Variants in FGFBP2 observed in about 807,000 individuals in gnomAD.
FGFBP2 encodes fibroblast growth factor binding protein 2, also known as fibroblast growth factor-binding protein 2.
Under a neutral mutation model 7.3 loss-of-function variants are expected in FGFBP2, and 7 were observed. The ratio of observed to expected loss-of-function variants is 0.96; its 90% confidence interval spans 0.55 to 1.81. FGFBP2 has a LOEUF of 1.81. Among genes scored for constraint, FGFBP2 ranks in the 40% most tolerant of loss-of-function variants. FGFBP2 has a pLI of 0.00. For synonymous variants in FGFBP2, 131 were observed against 110.2 expected (o/e 1.19, Z -1.18); for missense variants, 291 against 280.1 (o/e 1.04, Z -0.28).
intron 1 of FGFBP2, 147 bp downstream of exon 1, chr4:15,962,291 C>A (rs546332009): frequency 1.9e-4 from 123 of 631,186 alleles, no homozygotes; most frequent in Non-Finnish European, 3.0e-4. Flanking sequence ...TGCTCTGCAA[C>A]AGACAGCCTC....
chr4:15,962,174 C>T (rs746556160), intron 1 of FGFBP2, among the ~76,000 whole-genome samples: 29 of 152,134 alleles, frequency 1.9e-4, no homozygotes, highest in Non-Finnish European at 3.7e-4. Context: ...ATAGATGGAA[C>T]GGTCTGGCGA....
At chr4:15,961,390 G>A (rs1017147654) in intron 1 of FGFBP2, among the ~76,000 whole-genome samples, 7 of 151,826 alleles carry the variant, frequency 4.6e-5, no homozygotes, top group African/African-American at 1.7e-4. Context: ...TTTCTCCTCT[G>A]GGACAGATCT....
In FGFBP2 at chr4:15,960,390, T is replaced by G. The variant is rs996978950; in HGVS notation, c.*242A>C. The G allele has an allele frequency of 3.9e-5, 6 of 152,190 alleles. No individual in the cohort carries two copies. The highest frequency in any genetic ancestry group is 4.8e-5 in the African/African-American group (2 of 41,440). The allele number at this position is 152,190 out of a possible 1,614,324, so 9.4% of individuals were successfully genotyped here. A position where few individuals can be genotyped will look rare whatever the true frequency, so the allele number is the denominator to read the frequency against. Reference sequence around the variant, plus strand: ...TCTACAGATAATAAGTAGTTGTGTATGCTTGTCACTCTTGGGCCCATCAGC... The same window carrying G: ...TCTACAGATAATAAGTAGTTGTGTAGGCTTGTCACTCTTGGGCCCATCAGC... On this transcript the variant is annotated 3_prime_UTR_variant, in exon 2 of 2. Transcript: ENST00000259989.
At chr4:15,962,322 G>T in intron 1 of FGFBP2, 116 bp downstream of exon 1, 1 of 923,672 alleles carries the variant, frequency 1.1e-6, no homozygotes, top group South Asian at 2.5e-5. Flanking sequence ...CCAAACACAC[G>T]CTGAGACTCT....
In FGFBP2 at chr4:15,960,614, A is replaced by T. The variant is rs1713062684; in HGVS notation, c.*21-3T>A. On this transcript the variant is annotated splice_polypyrimidine_tract_variant and splice_region_variant and intron_variant, in intron 1 of 1. Coordinates refer to ENST00000259989, the MANE Select transcript of FGFBP2 (RefSeq NM_031950.4). ...TGTCTGTCAGGGAGAGGTCAGATCTAAAAAAAAAAAAAAAGAAAAAAAAAG... is the reference window on the plus strand; with the variant it reads ...TGTCTGTCAGGGAGAGGTCAGATCTTAAAAAAAAAAAAAAGAAAAAAAAAG... 7.3e-6 allele frequency: 1 copy of T among 136,752 alleles called. No homozygotes were observed. The highest frequency in any genetic ancestry group is 7.2e-5 in the Admixed American group (1 of 13,868). 8.5% of individuals were successfully genotyped at this position (136,752 alleles called of 1,614,324 possible). A position where few individuals can be genotyped will look rare whatever the true frequency, so the allele number is the denominator to read the frequency against.
Position 15,962,966 on chromosome 4 carries a change from C to A in FGFBP2, c.164G>T (p.Gly55Val), listed in dbSNP as rs1449587788. 1 of 1,612,862 alleles carries A rather than the reference C, an allele frequency of 6.2e-7. No homozygotes were observed. The highest frequency in any genetic ancestry group is 1.3e-5 in the African/African-American group (1 of 75,050). ...MRPSSLGQGA[G>V]EVWLRVDCRN... ...GCAGTCGACACGAAGCCAGACTTCT[C>A]CAGCACCTTGCCCCAAGCTGCTGGG... The change falls in exon 1 of 2, where the codon GGA becomes GTA. Residue 55 changes from glycine (G) to valine (V), a missense_variant. By Grantham distance (109) the Gly-to-Val change is moderately radical. Transcript: ENST00000259989.
rs142366004 is a variant in FGFBP2, at chr4:15,962,967, C to T, written c.163G>A (p.Gly55Arg). Residue 55 changes from glycine to arginine, a missense_variant, in exon 1 of 2, where the codon GGA becomes AGA. By Grantham distance (125) the Gly-to-Arg change is moderately radical (BLOSUM62 -2). Transcript: ENST00000259989. ...MRPSSLGQGAGEVWLRVDCRN... is the reference protein window; with the variant it reads ...MRPSSLGQGAREVWLRVDCRN... ...CAGTCGACACGAAGCCAGACTTCTC[C>T]AGCACCTTGCCCCAAGCTGCTGGGA... 9.3e-6 allele frequency: 15 copies of T among 1,612,784 alleles called. No individual in the cohort carries two copies. In the African/African-American group the frequency reaches 1.5e-4, roughly 16 times the overall value.
intron 1 of FGFBP2, among the ~76,000 whole-genome samples, chr4:15,961,526 G>T (rs981827861): frequency 6.6e-6 from 1 of 152,082 alleles, no homozygotes; most frequent in African/African-American, 2.4e-5. Context: ...GGTGGTATTC[G>T]TTATCAAAGT....
chr4:15,962,395 T>C, intron 1 of FGFBP2, 43 bp downstream of exon 1: 9 of 1,464,908 alleles, frequency 6.1e-6, no homozygotes, highest in Admixed American at 2.5e-5. Context: ...TATATAAGTA[T>C]ATACACGTAG....
Position 15,962,526 on chromosome 4 carries a change from CCTT to C in FGFBP2, c.601_603del (p.Lys201del), listed in dbSNP as rs771509081. 4 of 1,611,512 alleles carry C rather than the reference CCTT, an allele frequency of 2.5e-6. No homozygotes were observed. The Admixed American group carries it at 5.0e-5, about 20-fold the overall frequency. ...AAGGGTTTCCAACAATGTTCCCAGG[CCTT>C]CTTCTTTGCTTCCTCATTCCCTCCG... On this transcript the variant is annotated inframe_deletion, in exon 1 of 2. Transcript: ENST00000259989.
chr4:15,961,013 C>T (rs544158177), intron 1 of FGFBP2, among the ~76,000 whole-genome samples: 5 of 152,284 alleles, frequency 3.3e-5, no homozygotes, highest in African/African-American at 1.2e-4. Flanking sequence ...TTTAAGCCAC[C>T]CATTCTGTGG....
In FGFBP2 at chr4:15,962,469, A is replaced by G. The variant is rs1436546981; in HGVS notation, c.661T>C (p.Phe221Leu). The change falls in exon 1 of 2, where the codon TTC becomes CTC. Residue 221 changes from phenylalanine to leucine, a missense_variant. Phe to Leu is a conservative substitution (Grantham distance 22, BLOSUM62 0). Transcript: ENST00000259989. The stretch of plus-strand genomic sequence containing the variant: ...GGGTCTTTCACCTGTCACCCTCGGA[A>G]GAAGCTGATGAGAAAGGCGCACAGG... The part of the protein sequence containing the change: ...QALCAFLISF[F>L]RG The G allele has an allele frequency of 2.6e-6, 4 of 1,558,744 alleles. No individual in the cohort carries two copies. Among genetic ancestry groups the G allele is most frequent in the Non-Finnish European group, 2.6e-6 (3 of 1,151,758 alleles).
chr4:15,963,060 GCCTCGGGGCCTGAC>G lies in FGFBP2; in HGVS notation c.56_69del (p.Gly19AlafsTer50). 6.2e-7 allele frequency: 1 copy of G among 1,613,818 alleles called. No homozygotes were observed. Among genetic ancestry groups the G allele is most frequent in the South Asian group, 1.1e-5 (1 of 91,050 alleles). On this transcript the variant is annotated frameshift_variant, in exon 1 of 2. Transcript: ENST00000259989. LOFTEE classifies it high-confidence loss of function. Reference sequence around the variant, plus strand: ...TCCTCCCCAGTGCTTCCTTGCTTTTGCCTCGGGGCCTGACCCAAAGTCCCCAGGCAGGACAAGGT... The same window carrying G: ...TCCTCCCCAGTGCTTCCTTGCTTTTGCCAAAGTCCCCAGGCAGGACAAGGT...
At position 15,962,764 on chromosome 4, in the gene FGFBP2, G is replaced by T. The variant is rs1713122931; in HGVS notation, c.366C>A (p.Pro122=). 2 of 1,605,466 alleles carry T rather than the reference G, an allele frequency of 1.2e-6. No homozygotes were observed. Among genetic ancestry groups the T allele is most frequent in the African/African-American group, 1.3e-5 (1 of 74,900 alleles). Reference sequence around the variant, plus strand: ...AAGTCACCTGCTGCATATGGGCCTGGGGTCCAGCCTCCCTGCACACGGATG... The same window carrying T: ...AAGTCACCTGCTGCATATGGGCCTGTGGTCCAGCCTCCCTGCACACGGATG... The part of the protein sequence containing the change: ...LRPSVCREAG[P]QAHMQQVTSS... The change falls in exon 1 of 2, where the codon CCC becomes CCA. Residue 122 remains proline (P), a synonymous_variant. Coordinates refer to ENST00000259989, the MANE Select transcript of FGFBP2 (RefSeq NM_031950.4).
Position 15,962,709 on chromosome 4 carries a change from G to T in FGFBP2, c.421C>A (p.Gln141Lys). The T allele has an allele frequency of 6.2e-7, 1 of 1,614,014 alleles. No homozygotes were observed. The highest frequency in any genetic ancestry group is 8.5e-7 in the Non-Finnish European group (1 of 1,180,034). ...SSLKGSPEPN[Q>K]QPEAGTPSLR... ...GATGGCGTCCCAGCCTCAGGCTGCTGGTTGGGCTCTGGGCTGCCCTTGAGG... is the reference window on the plus strand; with the variant it reads ...GATGGCGTCCCAGCCTCAGGCTGCTTGTTGGGCTCTGGGCTGCCCTTGAGG... Residue 141 changes from glutamine to lysine, a missense_variant, in exon 1 of 2, where the codon CAG becomes AAG. By Grantham distance (53) the Gln-to-Lys change is moderately conservative. Transcript: ENST00000259989.
chr4:15,961,203 T>A (rs1713076232), intron 1 of FGFBP2, among the ~76,000 whole-genome samples: 2 of 152,240 alleles, frequency 1.3e-5, no homozygotes, highest in South Asian at 4.1e-4. Context: ...ACATTGTTTA[T>A]CTCTGTGTGG....
intron 1 of FGFBP2, among the ~76,000 whole-genome samples, chr4:15,960,846 C>G (rs976972582): frequency 2.0e-5 from 3 of 152,008 alleles, no homozygotes; most frequent in African/African-American, 7.3e-5. Flanking sequence ...GGTATCCTAA[C>G]AAAAAGAGAT....
Position 15,962,693 on chromosome 4 carries a change from C to T in FGFBP2, c.437G>A (p.Gly146Glu), listed in dbSNP as rs1299346775. Residue 146 changes from glycine to glutamate, a missense_variant, in exon 1 of 2, where the codon GGG (glycine) becomes GAG (glutamate). Transcript: ENST00000259989. ...GGCCTTGGGCCTCAGAGATGGCGTC[C>T]CAGCCTCAGGCTGCTGGTTGGGCTC... The part of the protein sequence containing the change: ...SPEPNQQPEA[G>E]TPSLRPKATV... 6.2e-7 allele frequency: 1 copy of T among 1,614,128 alleles called. No individual in the cohort carries two copies.
In FGFBP2 at chr4:15,962,711, T is replaced by C. The variant is rs552586686; in HGVS notation, c.419A>G (p.Asn140Ser). The change falls in exon 1 of 2, where the codon AAC becomes AGC. Residue 140 changes from asparagine to serine, a missense_variant. Coordinates refer to ENST00000259989, the MANE Select transcript of FGFBP2 (RefSeq NM_031950.4). ...TSSLKGSPEPNQQPEAGTPSL... is the reference protein window; with the variant it reads ...TSSLKGSPEPSQQPEAGTPSL... ...TGGCGTCCCAGCCTCAGGCTGCTGG[T>C]TGGGCTCTGGGCTGCCCTTGAGGCT... 6.2e-7 allele frequency: 1 copy of C among 1,614,006 alleles called. No individual in the cohort carries two copies. The highest frequency in any genetic ancestry group is 8.5e-7 in the Non-Finnish European group (1 of 1,180,036).
Sources: gnomAD v4.1 joint callset for allele counts (sites outside exome capture counted in the v4.1 genomes callset) on GRCh38, gnomAD v4.1.1 for gene constraint, MANE v1.5 for transcripts, NCBI Gene and HGNC (gene_info 2026-07-23, HGNC 2026-07-21) for gene names.